Variants in DZANK1 observed in about 807,000 individuals in gnomAD.
The protein encoded by DZANK1 is double zinc ribbon and ankyrin repeat domains 1.
Under a neutral mutation model 94.5 loss-of-function variants are expected in DZANK1, and 91 were observed. The ratio of observed to expected loss-of-function variants is 0.96; its 90% CI spans 0.81 to 1.15. The LOEUF is 1.15. Ranked by LOEUF, DZANK1 falls within the 50% of genes most tolerant of loss-of-function variation. The pLI, the probability that DZANK1 is intolerant of heterozygous loss-of-function variation, is 0.00. For synonymous variants in DZANK1, 312 were observed against 325.3 expected (o/e 0.96, Z 0.44); for missense variants, 903 against 916.4 (o/e 0.99, Z 0.19).
chr20:18,395,846 T>A (rs1176521375), intron 15 of DZANK1, among the ~76,000 whole-genome samples: 1 of 152,224 alleles, frequency 6.6e-6, no homozygotes, highest in Non-Finnish European at 1.5e-5. Flanking sequence ...CACATTCATG[T>A]GCATTAGCTC....
intron 2 of DZANK1, among the ~76,000 whole-genome samples, chr20:18,464,667 C>CTTTTTTT (rs1167738427): frequency 1.3e-5 from 1 of 77,824 alleles, no homozygotes; most frequent in African/African-American, 5.3e-5. Context: ...AGCACCGGGA[C>CTTTTTTT]TTTTTTTTTT....
At chr20:18,387,526 G>A (rs997517953) in intron 19 of DZANK1, among the ~76,000 whole-genome samples, 1 of 152,190 alleles carries the variant, frequency 6.6e-6, no homozygotes, top group Admixed American at 6.5e-5. Context: ...TCCTCACCTG[G>A]CTACTGGGGC....
At chr20:18,450,235 C>T (rs1459206553) in intron 6 of DZANK1, among the ~76,000 whole-genome samples, 1 of 152,086 alleles carries the variant, frequency 6.6e-6, no homozygotes, top group Non-Finnish European at 1.5e-5. Flanking sequence ...TCAGAGGTTT[C>T]TCATTGCTTT....
rs186178155 is a variant in DZANK1, at chr20:18,404,443, T to A, written c.1433-5817A>T. 1.8e-3 allele frequency among the ~76,000 whole-genome samples: 281 copies of A among 152,194 alleles called. 1 individual carries two copies. Among genetic ancestry groups the A allele is most frequent in the Admixed American group, 3.1e-3 (48 of 15,284 alleles). On this transcript the variant is annotated intron_variant, in intron 13 of 20. Transcript: ENST00000262547. Reference sequence around the variant, plus strand: ...AGGCTACACTCTCCATGGAGTCACATCAGAAGCTTCATACTGTGGGGGTGA... The same window carrying A: ...AGGCTACACTCTCCATGGAGTCACAACAGAAGCTTCATACTGTGGGGGTGA...
At chr20:18,392,346 T>C (rs1053191874) in intron 17 of DZANK1, among the ~76,000 whole-genome samples, 3 of 152,202 alleles carry the variant, frequency 2.0e-5, no homozygotes, top group African/African-American at 4.8e-5. Context: ...GTTTGTTACA[T>C]ACAAAGCATG....
chr20:18,416,523 T>C (rs764782107), intron 10 of DZANK1, among the ~76,000 whole-genome samples: 1 of 152,230 alleles, frequency 6.6e-6, no homozygotes, highest in Non-Finnish European at 1.5e-5. Context: ...GGTAACTGAA[T>C]GTGTATTACC....
At chr20:18,402,803 G>A (rs1293947112) in intron 13 of DZANK1, among the ~76,000 whole-genome samples, 1 of 152,224 alleles carries the variant, frequency 6.6e-6, no homozygotes, top group African/African-American at 2.4e-5. Flanking sequence ...TGAGGTTGCT[G>A]CAGACCTGTA....
intron 10 of DZANK1, among the ~76,000 whole-genome samples, chr20:18,419,131 G>T (rs1016355590): frequency 1.3e-5 from 2 of 151,942 alleles, no homozygotes; most frequent in Admixed American, 1.3e-4. Flanking sequence ...GCTTGGTGGT[G>T]CACACCTGTA....
At chr20:18,465,026 T>C (rs1234363698) in intron 2 of DZANK1, among the ~76,000 whole-genome samples, 1 of 152,142 alleles carries the variant, frequency 6.6e-6, no homozygotes, top group Non-Finnish European at 1.5e-5. Context: ...TTGCTGAAAC[T>C]ATACAAATGA....
chr20:18,406,007 G>A (rs539338985), intron 13 of DZANK1, among the ~76,000 whole-genome samples: 70 of 152,336 alleles, frequency 4.6e-4, no homozygotes, highest in African/African-American at 1.6e-3. Context: ...TGGACCAACC[G>A]TAGCCAGAGG....
chr20:18,439,961 A>G (rs2058668427), intron 8 of DZANK1, among the ~76,000 whole-genome samples: 1 of 152,026 alleles, frequency 6.6e-6, no homozygotes, highest in African/African-American at 2.4e-5. Flanking sequence ...TCCTTTAAGG[A>G]GGTAATTAAG....
At chr20:18,454,247 T>C (rs1380937119) in intron 4 of DZANK1, 3 of 352,898 alleles carry the variant, frequency 8.5e-6, no homozygotes, top group Admixed American at 3.9e-5. Context: ...TCCATGGACT[T>C]GGTCCCTCAC....
At chr20:18,465,884 A>C (rs2059632405) in intron 1 of DZANK1, among the ~76,000 whole-genome samples, 1 of 152,230 alleles carries the variant, frequency 6.6e-6, no homozygotes, top group African/African-American at 2.4e-5. Context: ...GAGCAGTTCT[A>C]GTATTTGAAA....
chr20:18,455,974 T>C (rs957617555), intron 3 of DZANK1, among the ~76,000 whole-genome samples: 2 of 152,186 alleles, frequency 1.3e-5, no homozygotes, highest in South Asian at 2.1e-4. Flanking sequence ...GCCCTTGGCA[T>C]CATTTCTGAA....
intron 2 of DZANK1, 145 bp downstream of exon 2, chr20:18,465,105 T>C (rs544012000): frequency 1.4e-4 from 81 of 570,040 alleles, no homozygotes; most frequent in East Asian, 1.4e-3. Context: ...TGTACAGCAC[T>C]GTTTCAAATT....
chr20:18,422,356 C>T (rs896094273), intron 10 of DZANK1, among the ~76,000 whole-genome samples: 3 of 152,116 alleles, frequency 2.0e-5, no homozygotes, highest in African/African-American at 7.2e-5. Flanking sequence ...ATGGTAGATG[C>T]ATGAATTTAT....
At chr20:18,394,268 C>G in exon 16 of DZANK1, 2 of 1,613,572 alleles carry the variant, frequency 1.2e-6, no homozygotes, top group African/African-American at 2.7e-5. Flanking sequence ...GCTGGACCTG[C>G]TGCCGCACAG....
intron 12 of DZANK1, chr20:18,413,095 G>T (rs138382943): frequency 7.2e-6 from 4 of 558,118 alleles, no homozygotes; most frequent in Non-Finnish European, 9.5e-6. Flanking sequence ...GGTGTTTGCC[G>T]GCCTGCTTGA....
chr20:18,453,912 T>C (rs1375516361), intron 4 of DZANK1, 85 bp from the exon 5 acceptor site: 1 of 901,634 alleles, frequency 1.1e-6, no homozygotes, highest in East Asian at 2.4e-5. Flanking sequence ...TGTCATGGTG[T>C]GCATTTCTTA....
Sources: allele counts gnomAD v4.1 joint callset (sites outside exome capture counted in the v4.1 genomes callset), GRCh38; gene constraint gnomAD v4.1.1; transcripts MANE v1.5; gene names NCBI Gene and HGNC (gene_info 2026-07-23, HGNC 2026-07-21).